The following NKIRAS2 variants were observed in gnomAD, a reference collection of about 807,000 sequenced individuals.
NKIRAS2 encodes NF-kappa-B inhibitor-interacting Ras-like protein 2.
NKIRAS2 carries 15 observed loss-of-function variants against 20.7 expected under a neutral mutation model. The ratio of observed to expected loss-of-function variants is 0.73; its 90% CI spans 0.49 to 1.12. NKIRAS2 has a LOEUF of 1.12. Ranked by LOEUF, NKIRAS2 falls within the 50% of genes most tolerant of loss-of-function variation. The pLI is 0.00. For synonymous variants in NKIRAS2, 116 were observed against 101.4 expected (o/e 1.14, Z -0.87); for missense variants, 196 against 249.6 (o/e 0.79, Z 1.45).
At position 42,021,618 on chromosome 17, in the gene NKIRAS2, C is replaced by CT. The variant is rs1567978168; in HGVS notation, c.42dup (p.Val15CysfsTer34). 6.2e-7 allele frequency: 1 copy of CT among 1,614,176 alleles called. No homozygotes were observed. The highest frequency in any genetic ancestry group is 1.7e-5 in the Admixed American group (1 of 60,014). The stretch of plus-strand genomic sequence containing the variant: ...AAGGTGGTCGTGTGTGGCCAGGCGT[C>CT]TGTGGGCAAAACTTCAATCCTGGAG... On this transcript the variant is annotated frameshift_variant, in exon 2 of 4. Coordinates refer to ENST00000393885, the MANE Select transcript of NKIRAS2 (RefSeq NM_017595.6). LOFTEE classifies it high-confidence loss of function.
rs565799231 is a variant in NKIRAS2 at position 42,023,512 on chromosome 17, G to A, written c.337-142G>A. 21 of 748,336 alleles carry A rather than the reference G, an allele frequency of 2.8e-5. No homozygotes were observed. In the African/African-American group the frequency reaches 3.3e-4, roughly 12 times the overall value. The allele number at this position is 748,336 out of a possible 1,614,324, so 46.4% of individuals were successfully genotyped here. ...AAGCAACCATCTCCTTCCCCACAAT[G>A]AGTGGTATGGAATCTAGAAAGAGAT... On this transcript the variant is annotated intron_variant, in intron 3 of 3. Transcript: ENST00000393885.
At position 42,024,004 on chromosome 17, in the gene NKIRAS2, A is replaced by G; in HGVS notation, c.*111A>G. ...AGCTGTCTTTCCCAGTCAGCCAGGGAGCTCCCCGCCAGGCCACGCCCCAGC... is the reference window on the plus strand; with the variant it reads ...AGCTGTCTTTCCCAGTCAGCCAGGGGGCTCCCCGCCAGGCCACGCCCCAGC... On this transcript the variant is annotated 3_prime_UTR_variant, in exon 4 of 4. Coordinates refer to ENST00000393885, the MANE Select transcript of NKIRAS2 (RefSeq NM_017595.6). 1 of 1,486,204 alleles carries G rather than the reference A, an allele frequency of 6.7e-7. No individual in the cohort carries two copies. Among genetic ancestry groups the G allele is most frequent in the Middle Eastern group, 2.0e-4 (1 of 4,962 alleles). The allele number at this position is 1,486,204 out of a possible 1,614,324, so 92.1% of individuals were successfully genotyped here.
chr17:42,020,844 TC>T (rs2052428016), intron 1 of NKIRAS2: 1 of 152,366 alleles, frequency 6.6e-6, no homozygotes, highest in South Asian at 2.1e-4. Flanking sequence ...CAAGCGATTC[TC>T]CTGCCTCAGC....
chr17:42,019,078 C>T (rs1555652546), upstream of NKIRAS2, among the ~76,000 whole-genome samples: 2 of 152,152 alleles, frequency 1.3e-5, no homozygotes, highest in Non-Finnish European at 2.9e-5. Flanking sequence ...CTATCTCCAC[C>T]TTTCCATCCC....
chr17:42,017,729 C>G (rs1045434855), upstream of NKIRAS2: 6 of 482,066 alleles, frequency 1.2e-5, no homozygotes, highest in Admixed American at 2.3e-4. Context: ...AGCCTCATTG[C>G]CATAGCAACT....
upstream of NKIRAS2, among the ~76,000 whole-genome samples, chr17:42,018,718 TTATGTTC>T (rs1555652480): frequency 1.3e-5 from 2 of 152,306 alleles, no homozygotes; most frequent in South Asian, 2.1e-4. Context: ...TCTTCCCACT[TTATGTTC>T]TATCTAAGGC....
chr17:42,024,099 A>G lies in NKIRAS2; in HGVS notation c.*206A>G. 1.4e-6 allele frequency: 1 copy of G among 698,076 alleles called. No homozygotes were observed. The allele number at this position is 698,076 out of a possible 1,614,324, so 43.2% of individuals were successfully genotyped here. On this transcript the variant is annotated 3_prime_UTR_variant, in exon 4 of 4. Transcript: ENST00000393885. ...TGACATCCCCTTCCTCAGCCCTCCC[A>G]GCCTACTCCCCATCCCAGCTTTTAG...
chr17:42,021,240 T>C, intron 1 of NKIRAS2: 1 of 263,518 alleles, frequency 3.8e-6, no homozygotes, highest in Admixed American at 4.6e-5. Context: ...TCTCCCTTTA[T>C]GGCAGCATTT....
chr17:42,022,476 C>A lies in NKIRAS2; in HGVS notation c.172C>A (p.Arg58Ser), dbSNP rs1471348598. ...AGACCGGGGGGTGCGAGAGCAGGTGCGTTTCTATGACACCCGGGGGCTCCG... is the reference window on the plus strand; with the variant it reads ...AGACCGGGGGGTGCGAGAGCAGGTGAGTTTCTATGACACCCGGGGGCTCCG... ...ETDRGVREQVRFYDTRGLRDG... is the reference protein window; with the variant it reads ...ETDRGVREQVSFYDTRGLRDG... Residue 58 changes from arginine (R) to serine (S), a missense_variant, in exon 3 of 4, where the codon CGT (arginine) becomes AGT (serine). Coordinates refer to ENST00000393885, the MANE Select transcript of NKIRAS2 (RefSeq NM_017595.6). 1 of 1,613,542 alleles carries A rather than the reference C, an allele frequency of 6.2e-7. No homozygotes were observed. The highest frequency in any genetic ancestry group is 1.7e-5 in the Admixed American group (1 of 60,004).
chr17:42,022,098 A>G (rs1481483186), intron 2 of NKIRAS2: 1 of 431,988 alleles, frequency 2.3e-6, no homozygotes, highest in Admixed American at 3.3e-5. Flanking sequence ...AATCCCAGCT[A>G]TTCGGGAGGC....
rs1189713963 is a variant in NKIRAS2, at chr17:42,024,282, C to T, written c.*389C>T. 1 of 276,564 alleles carries T rather than the reference C, an allele frequency of 3.6e-6. No individual in the cohort carries two copies. The highest frequency in any genetic ancestry group is 7.1e-6 in the Non-Finnish European group (1 of 141,376). The allele number at this position is 276,564 out of a possible 1,614,324, so 17.1% of individuals were successfully genotyped here. On this transcript the variant is annotated 3_prime_UTR_variant, in exon 4 of 4. Transcript: ENST00000393885. Reference sequence around the variant, plus strand: ...CCCTCTGGGCTTCCCATCAGCGACACACACACACTTATGGCACCAGCCTGG... The same window carrying T: ...CCCTCTGGGCTTCCCATCAGCGACATACACACACTTATGGCACCAGCCTGG...
intron 1 of NKIRAS2, 116 bp from the exon 2 acceptor site, chr17:42,021,448 C>T: frequency 2.6e-6 from 2 of 783,104 alleles, no homozygotes; most frequent in East Asian, 2.5e-5. Flanking sequence ...TATGGACGTT[C>T]TGCCTTCTGT....
chr17:42,024,062 A>T lies in NKIRAS2; in HGVS notation c.*169A>T. On this transcript the variant is annotated 3_prime_UTR_variant, in exon 4 of 4. Transcript: ENST00000393885. ...CTCCCTCTCACCTCTGGGAAGTGCA[A>T]ATACTCTTGGTTGACATCCCCTTCC... 1 of 1,045,386 alleles carries T rather than the reference A, an allele frequency of 9.6e-7. No homozygotes were observed. Among genetic ancestry groups the T allele is most frequent in the Non-Finnish European group, 1.3e-6 (1 of 744,320 alleles). 64.8% of individuals were successfully genotyped at this position (1,045,386 alleles called of 1,614,324 possible).
chr17:42,023,828 C>T lies in NKIRAS2; in HGVS notation c.511C>T (p.Pro171Ser). 1.9e-6 allele frequency: 3 copies of T among 1,614,170 alleles called. No homozygotes were observed. Among genetic ancestry groups the T allele is most frequent in the Non-Finnish European group, 2.5e-6 (3 of 1,180,048 alleles). The change falls in exon 4 of 4, where the codon CCC becomes TCC. Residue 171 changes from proline to serine, a missense_variant. Physicochemically the swap from Pro to Ser is moderately conservative, Grantham distance 74. Transcript: ENST00000393885. ...FVYLASKMTQ[P>S]QSKSAFPLSR... ...CTACTTGGCCAGCAAGATGACGCAA[C>T]CCCAGAGCAAGTCTGCCTTCCCCCT...
upstream of NKIRAS2, among the ~76,000 whole-genome samples, chr17:42,018,684 A>G (rs2052371992): frequency 1.3e-5 from 2 of 152,190 alleles, no homozygotes; most frequent in South Asian, 4.1e-4. Context: ...AGTCCAGTCT[A>G]ATGCTAGCCA....
At chr17:42,019,355 T>G (rs1476359075), upstream of NKIRAS2, among the ~76,000 whole-genome samples, 1 of 152,212 alleles carries the variant, frequency 6.6e-6, no homozygotes, top group Non-Finnish European at 1.5e-5. Flanking sequence ...GTCTCTAATT[T>G]CATCTCTGTT....
rs1555653602 is a variant in NKIRAS2 at position 42,023,769 on chromosome 17, T to G, written c.452T>G (p.Val151Gly). 6.2e-7 allele frequency: 1 copy of G among 1,614,160 alleles called. No homozygotes were observed. Among genetic ancestry groups the G allele is most frequent in the Non-Finnish European group, 8.5e-7 (1 of 1,180,032 alleles). Residue 151 changes from valine (V) to glycine (G), a missense_variant, in exon 4 of 4, where the codon GTG (valine) becomes GGG (glycine). Transcript: ENST00000393885. ...AAGGTGAAGCTGTGGGAGGTGTCAG[T>G]GGCGGACCGGCGCTCCCTCCTGGAG... ...SEKVKLWEVSVADRRSLLEPF... is the reference protein window; with the variant it reads ...SEKVKLWEVSGADRRSLLEPF...
intron 3 of NKIRAS2, 95 bp downstream of exon 3, chr17:42,022,735 C>A: frequency 1.4e-6 from 2 of 1,461,036 alleles, no homozygotes; most frequent in South Asian, 1.3e-5. Context: ...ATTCTTCACT[C>A]CAAGGTGAGT....
Position 42,022,660 on chromosome 17 carries a change from G to C in NKIRAS2, c.336+20G>C. The C allele has an allele frequency of 3.1e-6, 5 of 1,601,364 alleles. No individual in the cohort carries two copies. Among genetic ancestry groups the C allele is most frequent in the Non-Finnish European group, 4.3e-6 (5 of 1,170,272 alleles). ...AAGGAGGTGTGTGGCATAGGCTTCT[G>C]GTGGGAGCCTCAGTGGTCAGAGAGT... is the stretch of plus-strand genomic sequence containing the variant. On this transcript the variant is annotated intron_variant, in intron 3 of 3. Transcript: ENST00000393885.
Sources: gnomAD v4.1 joint callset for allele counts (sites outside exome capture counted in the v4.1 genomes callset) on GRCh38, gnomAD v4.1.1 for gene constraint, MANE v1.5 for transcripts, NCBI Gene and HGNC (gene_info 2026-07-23, HGNC 2026-07-21) for gene names.